Variants in ACY3 observed in about 807,000 individuals in gnomAD.
The protein encoded by ACY3 is aminoacylase 3.
In ACY3, 20 loss-of-function variants were observed where a neutral mutation model predicts 24.6. The observed-to-expected ratio is 0.81, with a 90% CI of 0.57 to 1.18. The LOEUF is 1.18. ACY3 is among the 50% of genes most tolerant of loss of function. The pLI, the probability that ACY3 is intolerant of heterozygous loss-of-function variation, is 0.00. For missense variants in ACY3, 423 were observed against 426.8 expected, an observed-to-expected ratio of 0.99 and a Z score of 0.08; for synonymous variants, 174 against 188.4, an observed-to-expected ratio of 0.92 and a Z score of 0.62.
chr11:67,642,949 G>A lies in ACY3; in HGVS notation c.745-10C>T. 1 of 1,611,702 alleles carries A rather than the reference G, an allele frequency of 6.2e-7. No individual in the cohort carries two copies. The highest frequency in any genetic ancestry group is 1.7e-4 in the Middle Eastern group (1 of 6,056). ...GCTGGAAGTCTCGGTCCTGGGAGGAGAGCCAAAGGCCAAGATTGCTGGGGC... is the reference window on the plus strand; with the variant it reads ...GCTGGAAGTCTCGGTCCTGGGAGGAAAGCCAAAGGCCAAGATTGCTGGGGC... On this transcript the variant is annotated splice_polypyrimidine_tract_variant and intron_variant, in intron 7 of 7. Transcript: ENST00000255082.
intron 1 of ACY3, among the ~76,000 whole-genome samples, chr11:67,649,186 G>GA (rs1855570447): frequency 6.6e-6 from 1 of 152,130 alleles, no homozygotes; most frequent in Admixed American, 6.5e-5. Flanking sequence ...TGGGGTAGGG[G>GA]TCTCAGGGAC....
intron 1 of ACY3, among the ~76,000 whole-genome samples, chr11:67,649,948 T>C (rs1408217959): frequency 1.3e-5 from 2 of 152,170 alleles, no homozygotes; most frequent in African/African-American, 2.4e-5. Context: ...GTGTGTGTTG[T>C]GTGCACACGT....
Position 67,645,382 on chromosome 11 carries a change from T to TG in ACY3, c.433-3dup. On this transcript the variant is annotated splice_region_variant and splice_polypyrimidine_tract_variant and intron_variant, in intron 4 of 7. Transcript: ENST00000255082. ...GCAGGACAGCTCGGGGTACTGCAGC[T>TG]GGGGGCGAGAGAGGCAGGTTAGGGG... The TG allele has an allele frequency of 6.2e-7, 1 of 1,612,858 alleles. No individual in the cohort carries two copies. The highest frequency in any genetic ancestry group is 8.5e-7 in the Non-Finnish European group (1 of 1,179,760).
Position 67,646,698 on chromosome 11 carries a change from GGGAAGCA to G in ACY3, c.236+103_236+109del, listed in dbSNP as rs369498479. ...GGAGGAATGGGCCACATAGGCAGAG[GGGAAGCA>G]GGAGTGAAGGCAGGGAGGGCCCTGC... On this transcript the variant is annotated intron_variant, in intron 3 of 7. Transcript: ENST00000255082. The G allele has an allele frequency of 9.8e-3, 10,246 of 1,045,182 alleles. 97 individuals are homozygous for G. The highest frequency in any genetic ancestry group is 0.026 in the Middle Eastern group (131 of 4,978). The allele number at this position is 1,045,182 out of a possible 1,614,324, so 64.7% of individuals were successfully genotyped here. A position where few individuals can be genotyped will look rare whatever the true frequency, so the allele number is the denominator to read the frequency against.
At chr11:67,649,545 TGTGTGCATGC>T (rs1855579066) in intron 1 of ACY3, among the ~76,000 whole-genome samples, 1 of 151,790 alleles carries the variant, frequency 6.6e-6, no homozygotes, top group South Asian at 2.1e-4. Context: ...TGTGTGCATG[TGTGTGCATGC>T]ATGTGTGCAT....
chr11:67,650,132 A>G (rs1209197218), intron 1 of ACY3, among the ~76,000 whole-genome samples: 1 of 152,100 alleles, frequency 6.6e-6, no homozygotes, highest in Non-Finnish European at 1.5e-5. Context: ...CCCCAGCATG[A>G]GTGAGGGCAG....
chr11:67,649,869 CAT>C (rs1855594144), intron 1 of ACY3, among the ~76,000 whole-genome samples: 1 of 146,226 alleles, frequency 6.8e-6, no homozygotes, highest in Admixed American at 6.8e-5. Flanking sequence ...AGTGTGTGTG[CAT>C]GTGTGTGCAT....
rs755211338 is a variant in ACY3, at chr11:67,647,006, C to T, written c.38G>A (p.Arg13His). 4.4e-5 allele frequency: 68 copies of T among 1,553,678 alleles called. No homozygotes were observed. The highest frequency in any genetic ancestry group is 2.7e-4 in the South Asian group (23 of 85,068). ...ATGCGTGCCCCCAGTCACAGCCACG[C>T]GACGCAGGGGCTCCCGGGGCACAGG... is the stretch of plus-strand genomic sequence containing the variant. Reference protein sequence around the residue: ...SLPVPREPLRRVAVTGGTHGN... With the variant: ...SLPVPREPLRHVAVTGGTHGN... Residue 13 changes from arginine (R) to histidine (H), a missense_variant, in exon 3 of 8, where the codon CGC (arginine) becomes CAC (histidine). Physicochemically the swap from Arg to His is conservative, Grantham distance 29. Transcript: ENST00000255082.
chr11:67,647,100 T>A, intron 2 of ACY3, 37 bp from the exon 3 acceptor site: 1 of 1,388,108 alleles, frequency 7.2e-7, no homozygotes, highest in Non-Finnish European at 9.5e-7. Flanking sequence ...CTGGCCCCGA[T>A]GCAAGGGATC....
At chr11:67,645,653 C>T (rs1819143302) in intron 4 of ACY3, 39 bp downstream of exon 4, 1 of 1,552,846 alleles carries the variant, frequency 6.4e-7, no homozygotes, top group African/African-American at 1.4e-5. Flanking sequence ...CTCCCTCCCA[C>T]TCCCCTCTGG....
In ACY3 at chr11:67,645,155, G is replaced by T; in HGVS notation, c.527-3C>A. On this transcript the variant is annotated splice_region_variant and splice_polypyrimidine_tract_variant and intron_variant, in intron 5 of 7. Coordinates refer to ENST00000255082, the MANE Select transcript of ACY3 (RefSeq NM_080658.2). ...TGGCTGGGGGCCCAGCTCCAGACCT[G>T]GGGACCAGGAAGCAAGGGGTTAGGC... The T allele has an allele frequency of 6.2e-7, 1 of 1,610,932 alleles. No individual in the cohort carries two copies.
intron 7 of ACY3, among the ~76,000 whole-genome samples, chr11:67,644,140 C>T (rs933754796): frequency 6.6e-6 from 1 of 152,126 alleles, no homozygotes; most frequent in African/African-American, 2.4e-5. Context: ...ATGGTGCTGC[C>T]TCCATTTGTA....
At chr11:67,645,451 C>A in intron 4 of ACY3, 71 bp from the exon 5 acceptor site, 1 of 1,511,472 alleles carries the variant, frequency 6.6e-7, no homozygotes, top group Non-Finnish European at 9.0e-7. Context: ...GAAGGTGTTG[C>A]ATGGAGGAAA....
chr11:67,643,270 T>G (rs1000927932), intron 7 of ACY3, among the ~76,000 whole-genome samples: 1 of 152,270 alleles, frequency 6.6e-6, no homozygotes, highest in African/African-American at 2.4e-5. Context: ...TCAGCTTTCT[T>G]GTCTGTAAAA....
intron 4 of ACY3, 145 bp downstream of exon 4, chr11:67,645,547 G>T: frequency 8.1e-7 from 1 of 1,236,148 alleles, no homozygotes; most frequent in Non-Finnish European, 1.1e-6. Flanking sequence ...GAGTGCTGGC[G>T]AGTGGCAGAC....
At position 67,645,743 on chromosome 11, in the gene ACY3, G is replaced by T. The variant is rs765405986; in HGVS notation, c.381C>A (p.Ile127=). 6.2e-7 allele frequency: 1 copy of T among 1,613,564 alleles called. No homozygotes were observed. ...CAAAGACTTCGTGGGAGGACTTCGC[G>T]ATTAAGCAGGTGCCCATGTTGGCCG... is the stretch of plus-strand genomic sequence containing the variant. ...NTTANMGTCL[I]AKSSHEVFAM... Residue 127 remains isoleucine, a synonymous_variant, in exon 4 of 8, where the codon ATC becomes ATA. Coordinates refer to ENST00000255082, the MANE Select transcript of ACY3 (RefSeq NM_080658.2).
At chr11:67,649,720 T>C (rs948112221) in intron 1 of ACY3, among the ~76,000 whole-genome samples, 20 of 150,618 alleles carry the variant, frequency 1.3e-4, no homozygotes, top group African/African-American at 4.7e-4. Flanking sequence ...TGTGTGCGTG[T>C]GTGCATGAGA....
chr11:67,643,886 T>G (rs1174231643), intron 7 of ACY3, among the ~76,000 whole-genome samples: 1 of 151,840 alleles, frequency 6.6e-6, no homozygotes, highest in Non-Finnish European at 1.5e-5. Flanking sequence ...TCCCAGCTAC[T>G]GGGGAGGCTG....
intron 7 of ACY3, among the ~76,000 whole-genome samples, chr11:67,644,227 C>A (rs193032317): frequency 6.6e-6 from 1 of 152,100 alleles, no homozygotes; most frequent in East Asian, 1.9e-4. Flanking sequence ...CAACAATGAC[C>A]CCCTGTGGCA....
Sources: allele counts gnomAD v4.1 joint callset (sites outside exome capture counted in the v4.1 genomes callset), GRCh38; gene constraint gnomAD v4.1.1; transcripts MANE v1.5; gene names NCBI Gene and HGNC (gene_info 2026-07-23, HGNC 2026-07-21).